CARMIL1: variants seen among roughly 807,000 people sequenced by gnomAD.
The protein encoded by CARMIL1 is capping protein regulator and myosin 1 linker 1.
A neutral mutation model predicts 177.1 loss-of-function variants in CARMIL1; 90 were observed. That is an observed-to-expected ratio of 0.51 (90% CI 0.43 to 0.61). The LOEUF (loss-of-function observed/expected upper bound fraction) is 0.61, where lower values mean the gene tolerates loss of function less well. Ranked by LOEUF, CARMIL1 falls within the 20% of genes least tolerant of loss-of-function variation. The probability of loss-of-function intolerance (pLI) is 0.00; values close to 1 mark genes in which losing one functional copy is unlikely to be tolerated. For missense variants in CARMIL1, 1,380 were observed against 1,667.0 expected (o/e 0.83, Z 3.00); for synonymous variants, 577 against 606.2 (o/e 0.95, Z 0.71).
In CARMIL1 at chr6:25,609,535, T is replaced by G. The variant is rs115177345; in HGVS notation, c.3848-515T>G. 6.7e-3 allele frequency among the ~76,000 whole-genome samples: 1,018 copies of G among 152,260 alleles called. 7 individuals carry two copies. Among genetic ancestry groups the G allele is most frequent in the Middle Eastern group, 0.031 (9 of 294 alleles). ...AGTCATCTTTTTCGTTTTCAATCTC[T>G]TCATTTGTCCAGTGCCCAAAGTCTT... On this transcript the variant is annotated intron_variant, in intron 35 of 36. Coordinates refer to ENST00000329474, the MANE Select transcript of CARMIL1 (RefSeq NM_017640.6).
At position 25,441,333 on chromosome 6, in the gene CARMIL1, A is replaced by ATGTGTGTGTG. The variant is rs1211206689; in HGVS notation, c.371+5730_371+5731insGTGTGTGTGT. Among the ~76,000 whole-genome samples the ATGTGTGTGTG allele has an allele frequency of 8.1e-3, 545 of 66,918 alleles. 3 individuals carry two copies. The highest frequency in any genetic ancestry group is 0.02 in the African/African-American group (373 of 18,982). The allele number at this position is 66,918 out of a possible 152,430, so 43.9% of individuals were successfully genotyped here. On this transcript the variant is annotated intron_variant, in intron 5 of 36. Transcript: ENST00000329474. ...CAAACAAACAAACATATATATATATATATATGTGTGTGTGTGTGTGTGTGT... is the reference window on the plus strand; with the variant it reads ...CAAACAAACAAACATATATATATATATGTGTGTGTGTATATGTGTGTGTGTGTGTGTGTGT...
chr6:25,398,080 C>T (rs1202729830), intron 2 of CARMIL1, among the ~76,000 whole-genome samples: 1 of 151,746 alleles, frequency 6.6e-6, no homozygotes, highest in African/African-American at 2.4e-5. Context: ...AGAAAAGGAG[C>T]CATATCTCTG....
intron 4 of CARMIL1, among the ~76,000 whole-genome samples, chr6:25,429,100 T>C (rs1796510242): frequency 6.6e-6 from 1 of 152,234 alleles, no homozygotes; most frequent in Non-Finnish European, 1.5e-5. Flanking sequence ...GCCAGGAATT[T>C]AGGGCTGTGA....
intron 12 of CARMIL1, among the ~76,000 whole-genome samples, chr6:25,482,959 G>A (rs1348213673): frequency 6.6e-6 from 1 of 152,062 alleles, no homozygotes; most frequent in Non-Finnish European, 1.5e-5. Context: ...CTGGATGCCT[G>A]AAAATTTTTT....
rs546122808 is a variant in CARMIL1 at position 25,619,554 on chromosome 6, G to A, written c.4087G>A (p.Glu1363Lys). 52 of 1,613,748 alleles carry A rather than the reference G, an allele frequency of 3.2e-5. No individual in the cohort carries two copies. The East Asian group carries it at 1.1e-3, about 34-fold the overall frequency. The stretch of plus-strand genomic sequence containing the variant: ...CAGCAAATCTAATGACTCCGGGGAA[G>A]AAGCAGAAAAAGAGTTTATTTTTGT... ...QGSKSNDSGE[E>K]AEKEFIFV Residue 1363 changes from glutamate to lysine, a missense_variant, in exon 37 of 37, where the codon GAA becomes AAA. Transcript: ENST00000329474.
At chr6:25,337,111 G>A (rs1370426356) in intron 2 of CARMIL1, among the ~76,000 whole-genome samples, 1 of 152,200 alleles carries the variant, frequency 6.6e-6, no homozygotes, top group Admixed American at 6.5e-5. Flanking sequence ...GAGGCTTAAG[G>A]AAACTAATGC....
rs1355328913 is a variant in CARMIL1 at position 25,619,681 on chromosome 6, G to GGTGCTTTATTCTCTTC, written c.*99_*114dup. 2.3e-6 allele frequency: 3 copies of GGTGCTTTATTCTCTTC among 1,277,926 alleles called. No individual in the cohort carries two copies. In the African/African-American group the frequency reaches 4.7e-5, roughly 20 times the overall value. 79.2% of individuals were successfully genotyped at this position (1,277,926 alleles called of 1,614,324 possible). On this transcript the variant is annotated 3_prime_UTR_variant, in exon 37 of 37. Coordinates refer to ENST00000329474, the MANE Select transcript of CARMIL1 (RefSeq NM_017640.6). The stretch of plus-strand genomic sequence containing the variant: ...TTTTCTTCCCAGGCGTTCTTCTCTG[G>GGTGCTTTATTCTCTTC]GTGCTTTATTCTCTTCTTTTTCTTT...
intron 2 of CARMIL1, among the ~76,000 whole-genome samples, chr6:25,365,633 A>G (rs114015216): frequency 0.023 from 3,457 of 152,066 alleles, 62 homozygotes; most frequent in Non-Finnish European, 0.033. Context: ...GCCCACTGCA[A>G]CCTTCACTTC....
intron 24 of CARMIL1, among the ~76,000 whole-genome samples, chr6:25,536,249 T>C (rs978909731): frequency 6.6e-6 from 1 of 152,110 alleles, no homozygotes; most frequent in Non-Finnish European, 1.5e-5. Context: ...ATCAATACAA[T>C]AGTTAGAAGA....
chr6:25,404,948 C>T (rs1489856854), intron 2 of CARMIL1, among the ~76,000 whole-genome samples: 2 of 152,114 alleles, frequency 1.3e-5, no homozygotes, highest in East Asian at 3.8e-4. Context: ...GCGGAGGAGG[C>T]ACAGCTGTGC....
intron 12 of CARMIL1, among the ~76,000 whole-genome samples, chr6:25,486,418 G>T (rs1316982495): frequency 6.6e-6 from 1 of 152,032 alleles, no homozygotes; most frequent in Non-Finnish European, 1.5e-5. Flanking sequence ...TTGCTGTCAG[G>T]ACTAATTTAG....
chr6:25,583,574 A>G (rs1017523527), intron 31 of CARMIL1, among the ~76,000 whole-genome samples: 1 of 152,140 alleles, frequency 6.6e-6, no homozygotes, highest in African/African-American at 2.4e-5. Flanking sequence ...GAAGGTCACA[A>G]TAACTTACCT....
chr6:25,336,388 T>G (rs542668714), intron 2 of CARMIL1, among the ~76,000 whole-genome samples: 156 of 152,316 alleles, frequency 1.0e-3, no homozygotes, highest in Middle Eastern at 6.8e-3. Context: ...AGTGACAGAC[T>G]GTACTCTACT....
At chr6:25,406,771 C>G (rs1390742260) in intron 2 of CARMIL1, among the ~76,000 whole-genome samples, 1 of 152,128 alleles carries the variant, frequency 6.6e-6, no homozygotes, top group Non-Finnish European at 1.5e-5. Flanking sequence ...AAAGAAAGAT[C>G]ATGGTTTAGT....
At chr6:25,574,869 A>G (rs1000929233) in intron 29 of CARMIL1, among the ~76,000 whole-genome samples, 1 of 151,794 alleles carries the variant, frequency 6.6e-6, no homozygotes, top group Non-Finnish European at 1.5e-5. Flanking sequence ...TTATAAATCT[A>G]TTTCTTATTA....
chr6:25,510,653 C>A (rs545289945), intron 19 of CARMIL1, 47 bp downstream of exon 19: 2 of 1,492,424 alleles, frequency 1.3e-6, no homozygotes, highest in East Asian at 2.5e-5. Context: ...AAATAACCAG[C>A]CTCCTGAAAG....
chr6:25,440,672 CAG>C (rs1581948645), intron 5 of CARMIL1, among the ~76,000 whole-genome samples: 1 of 152,082 alleles, frequency 6.6e-6, no homozygotes, highest in Non-Finnish European at 1.5e-5. Flanking sequence ...AGCTATCAGT[CAG>C]GGGAATATTT....
At chr6:25,586,847 G>A (rs910818141) in intron 31 of CARMIL1, among the ~76,000 whole-genome samples, 14 of 152,062 alleles carry the variant, frequency 9.2e-5, no homozygotes, top group African/African-American at 3.1e-4. Flanking sequence ...CCAGGCACTC[G>A]GCAGGCTGAG....
intron 2 of CARMIL1, among the ~76,000 whole-genome samples, chr6:25,356,609 T>TA (rs1788647171): frequency 6.6e-6 from 1 of 152,240 alleles, no homozygotes; most frequent in Non-Finnish European, 1.5e-5. Context: ...ACAAGGTTAT[T>TA]TTTCCTGGCG....
Sources: allele counts gnomAD v4.1 joint callset (sites outside exome capture counted in the v4.1 genomes callset), GRCh38; gene constraint gnomAD v4.1.1; transcripts MANE v1.5; gene names NCBI Gene and HGNC (gene_info 2026-07-23, HGNC 2026-07-21).